VWA3B: variants seen among roughly 807,000 people sequenced by gnomAD.
The protein encoded by VWA3B is von Willebrand factor A domain-containing protein 3B.
A neutral mutation model predicts 158.3 loss-of-function variants in VWA3B; 138 were observed. The ratio of observed to expected loss-of-function variants is 0.87; its 90% CI spans 0.76 to 1.00. VWA3B has a LOEUF of 1.00. Among genes scored for constraint, VWA3B ranks in the 50% least tolerant of loss-of-function variants. VWA3B has a pLI of 0.00. For synonymous variants in VWA3B, 596 were observed against 587.3 expected (o/e 1.01, Z -0.21); for missense variants, 1,555 against 1,565.1 (o/e 0.99, Z 0.11).
In VWA3B at chr2:98,303,741, A is replaced by G. The variant is rs1173157831; in HGVS notation, c.3460A>G (p.Asn1154Asp). 5 of 1,614,154 alleles carry G rather than the reference A, an allele frequency of 3.1e-6. No homozygotes were observed. The highest frequency in any genetic ancestry group is 4.2e-6 in the Non-Finnish European group (5 of 1,180,014). ...GAGTGCACTTATTAAGATCAGCCAA[A>G]ACAAGTATGCGCTCTCTTGCTCTCA... is the stretch of plus-strand genomic sequence containing the variant. The part of the protein sequence containing the change: ...PRSALIKISQ[N>D]KYALSCSHIK... The change falls in exon 26 of 28, where the codon AAC (asparagine) becomes GAC (aspartate). Residue 1154 changes from asparagine to aspartate, a missense_variant. Coordinates refer to ENST00000477737, the MANE Select transcript of VWA3B (RefSeq NM_144992.5).
rs140377868 is a variant in VWA3B at position 98,271,981 on chromosome 2, G to A, written c.3045+1098G>A. Reference sequence around the variant, plus strand: ...AACAGTTCTCTCAACCGGTGCTCTCGCACCACAACAGCAATCATCAACAGG... The same window carrying A: ...AACAGTTCTCTCAACCGGTGCTCTCACACCACAACAGCAATCATCAACAGG... On this transcript the variant is annotated intron_variant, in intron 22 of 27. Coordinates refer to ENST00000477737, the MANE Select transcript of VWA3B (RefSeq NM_144992.5). 1.8e-4 allele frequency among the ~76,000 whole-genome samples: 28 copies of A among 152,266 alleles called. No individual in the cohort carries two copies. The East Asian group carries it at 4.8e-3, about 26-fold the overall frequency.
At chr2:98,240,468 A>C (rs1686007533) in intron 19 of VWA3B, among the ~76,000 whole-genome samples, 1 of 152,186 alleles carries the variant, frequency 6.6e-6, no homozygotes, top group Non-Finnish European at 1.5e-5. Flanking sequence ...AATTCCCTCA[A>C]GTCAGATGGC....
At chr2:98,128,096 C>A in intron 5 of VWA3B, 143 bp from the exon 6 acceptor site, 1 of 969,320 alleles carries the variant, frequency 1.0e-6, no homozygotes, top group Non-Finnish European at 1.6e-6. Flanking sequence ...GCCCTGATGT[C>A]CTCAGAAAAC....
chr2:98,166,799 T>TCACACACACACACACAC (rs1679109324), intron 8 of VWA3B, among the ~76,000 whole-genome samples: 1 of 145,826 alleles, frequency 6.9e-6, no homozygotes, highest in Non-Finnish European at 1.5e-5. Context: ...TTTAATCTAA[T>TCACACACACACACACAC]ACACACACAC....
intron 2 of VWA3B, among the ~76,000 whole-genome samples, chr2:98,114,238 T>A (rs1297084399): frequency 1.3e-5 from 2 of 152,216 alleles, no homozygotes. Flanking sequence ...CTTATTTCCT[T>A]CAAGCCTCAA....
At chr2:98,285,363 T>C (rs77997649) in intron 22 of VWA3B, among the ~76,000 whole-genome samples, 5,928 of 152,242 alleles carry the variant, frequency 0.039, 169 homozygotes, top group Middle Eastern at 0.075. Context: ...TTATTTCTAC[T>C]TTTTTATTAT....
chr2:98,239,201 T>G (rs971144677), intron 19 of VWA3B, among the ~76,000 whole-genome samples: 5 of 152,174 alleles, frequency 3.3e-5, no homozygotes, highest in Non-Finnish European at 5.9e-5. Context: ...TAATTAGAGA[T>G]ACTGAAGTAT....
intron 2 of VWA3B, among the ~76,000 whole-genome samples, chr2:98,109,078 T>C (rs1164968876): frequency 2.6e-5 from 4 of 151,512 alleles, no homozygotes; most frequent in Non-Finnish European, 5.9e-5. Context: ...CCACAACCTC[T>C]GCCTCCCGGG....
intron 2 of VWA3B, among the ~76,000 whole-genome samples, chr2:98,110,342 A>T (rs1349868977): frequency 6.6e-6 from 1 of 151,890 alleles, no homozygotes; most frequent in African/African-American, 2.4e-5. Context: ...TTTTGCTCTA[A>T]TATTTCCATT....
intron 23 of VWA3B, among the ~76,000 whole-genome samples, chr2:98,295,402 C>G (rs954548690): frequency 6.6e-6 from 1 of 152,248 alleles, no homozygotes; most frequent in African/African-American, 2.4e-5. Flanking sequence ...CCACTGTTTA[C>G]TCAGATTGTG....
At chr2:98,138,864 C>T (rs1010097134) in intron 7 of VWA3B, among the ~76,000 whole-genome samples, 1 of 152,278 alleles carries the variant, frequency 6.6e-6, no homozygotes. Flanking sequence ...GCCTCGCTCA[C>T]TCTCAGTGCC....
At chr2:98,152,287 A>G (rs1677701664) in intron 7 of VWA3B, among the ~76,000 whole-genome samples, 1 of 152,236 alleles carries the variant, frequency 6.6e-6, no homozygotes, top group Non-Finnish European at 1.5e-5. Context: ...AATAATATTT[A>G]TAAATTGAAC....
At chr2:98,214,615 A>G (rs574377071) in intron 13 of VWA3B, among the ~76,000 whole-genome samples, 7 of 152,308 alleles carry the variant, frequency 4.6e-5, no homozygotes, top group African/African-American at 1.7e-4. Context: ...TAAAAAAACA[A>G]CTGTTAGCCT....
chr2:98,269,703 C>A lies in VWA3B; in HGVS notation c.2844-979C>A, dbSNP rs529983083. Among the ~76,000 whole-genome samples the A allele has an allele frequency of 9.2e-5, 14 of 152,322 alleles. No individual in the cohort carries two copies. The South Asian group carries it at 2.5e-3, about 27-fold the overall frequency. On this transcript the variant is annotated intron_variant, in intron 21 of 27. Transcript: ENST00000477737. ...CAGCTTTTCTTGGGTTTGTACTTGT[C>A]TGAGGTGCCACAACCTCTTCATTTG... is the stretch of plus-strand genomic sequence containing the variant.
chr2:98,235,449 A>G (rs1203909075), intron 17 of VWA3B, among the ~76,000 whole-genome samples: 1 of 149,108 alleles, frequency 6.7e-6, no homozygotes, highest in East Asian at 2.0e-4. Context: ...TTTTTGAGGT[A>G]GAGTCTCACT....
chr2:98,285,408 G>A (rs1462924121), intron 22 of VWA3B, among the ~76,000 whole-genome samples: 1 of 151,764 alleles, frequency 6.6e-6, no homozygotes, highest in Non-Finnish European at 1.5e-5. Flanking sequence ...TCATATACAG[G>A]TCTTTTTATA....
intron 21 of VWA3B, among the ~76,000 whole-genome samples, chr2:98,257,268 G>T (rs1205023910): frequency 6.6e-6 from 1 of 152,002 alleles, no homozygotes; most frequent in Non-Finnish European, 1.5e-5. Flanking sequence ...ATTAAGTGCT[G>T]CAAATGATAT....
chr2:98,169,883 C>T (rs909435721), intron 8 of VWA3B, among the ~76,000 whole-genome samples: 3 of 152,042 alleles, frequency 2.0e-5, no homozygotes, highest in Non-Finnish European at 4.4e-5. Context: ...CTTTAGGAGG[C>T]TGAGGTAGGC....
chr2:98,222,648 T>C (rs1248475755), intron 14 of VWA3B, among the ~76,000 whole-genome samples: 1 of 151,824 alleles, frequency 6.6e-6, no homozygotes, highest in Non-Finnish European at 1.5e-5. Context: ...GCAGGGGAGG[T>C]ACCAAGAGAC....
Sources: allele counts gnomAD v4.1 joint callset (sites outside exome capture counted in the v4.1 genomes callset), GRCh38; gene constraint gnomAD v4.1.1; transcripts MANE v1.5; gene names NCBI Gene and HGNC (gene_info 2026-07-23, HGNC 2026-07-21).